The following TFEC variants were observed in gnomAD, a reference collection of about 807,000 sequenced individuals.
TFEC encodes transcription factor EC, also known as class E basic helix-loop-helix protein 34.
TFEC carries 31 observed loss-of-function variants against 41.6 expected under a neutral mutation model. The observed-to-expected ratio is 0.74, with a 90% CI of 0.56 to 1.01. The LOEUF is 1.01. TFEC is among the 50% of genes least tolerant of loss of function. The pLI is 0.00. For synonymous variants in TFEC, 143 were observed against 140.6 expected (o/e 1.02, Z -0.12); for missense variants, 402 against 404.1 (o/e 0.99, Z 0.04).
chr7:116,104,549 C>G (rs1341179881), intron 3 of TFEC, among the ~76,000 whole-genome samples: 4 of 152,086 alleles, frequency 2.6e-5, no homozygotes, highest in Non-Finnish European at 5.9e-5. Flanking sequence ...ACATTTATAA[C>G]AAAAGGGAAC....
chr7:116,129,074 A>G (rs1798275536), intron 1 of TFEC, among the ~76,000 whole-genome samples: 1 of 152,220 alleles, frequency 6.6e-6, no homozygotes, highest in Admixed American at 6.5e-5. Context: ...AGTTAAAACC[A>G]GTCAGAAAGG....
At chr7:116,113,441 C>T (rs1473140435) in intron 1 of TFEC, among the ~76,000 whole-genome samples, 3 of 151,968 alleles carry the variant, frequency 2.0e-5, no homozygotes, top group African/African-American at 4.8e-5. Flanking sequence ...CAAGAAGGAA[C>T]CACTCCTGCT....
intron 3 of TFEC, among the ~76,000 whole-genome samples, chr7:116,108,038 T>A (rs759648896): frequency 2.8e-4 from 43 of 152,252 alleles, no homozygotes; most frequent in Non-Finnish European, 1.6e-4. Context: ...ATTATAGAAC[T>A]CAGAATCTTC....
intron 3 of TFEC, among the ~76,000 whole-genome samples, chr7:116,047,821 G>T (rs1263687903): frequency 6.6e-6 from 1 of 152,044 alleles, no homozygotes; most frequent in African/African-American, 2.4e-5. Flanking sequence ...GAAGGATCAG[G>T]CAGCAACATT....
intron 1 of TFEC, among the ~76,000 whole-genome samples, chr7:116,024,037 T>C (rs2130864995): frequency 6.6e-6 from 1 of 152,218 alleles, no homozygotes; most frequent in East Asian, 1.9e-4. Context: ...CTGAAGCAAA[T>C]CTACTTGATA....
chr7:115,965,559 T>C (rs936106422), intron 3 of TFEC, among the ~76,000 whole-genome samples: 1 of 151,606 alleles, frequency 6.6e-6, no homozygotes, highest in Non-Finnish European at 1.5e-5. Flanking sequence ...TGTCTCCAAA[T>C]TGCAATTTTA....
chr7:116,117,825 G>C (rs1177236477), intron 1 of TFEC, among the ~76,000 whole-genome samples: 2 of 151,826 alleles, frequency 1.3e-5, no homozygotes, highest in Non-Finnish European at 2.9e-5. Context: ...AGCCCTGTGG[G>C]CTAGCCACAT....
intron 1 of TFEC, among the ~76,000 whole-genome samples, chr7:116,138,023 T>A (rs1197042706): frequency 6.6e-6 from 1 of 152,128 alleles, no homozygotes; most frequent in African/African-American, 2.4e-5. Flanking sequence ...TATGTGAAAG[T>A]AAAGAGATTC....
At chr7:115,983,673 A>G (rs1436877474) in intron 2 of TFEC, among the ~76,000 whole-genome samples, 1 of 152,172 alleles carries the variant, frequency 6.6e-6, no homozygotes, top group Non-Finnish European at 1.5e-5. Context: ...CACAATAAAT[A>G]TAAACTCCAT....
chr7:116,046,289 G>T (rs1796162277), intron 3 of TFEC, among the ~76,000 whole-genome samples: 2 of 152,148 alleles, frequency 1.3e-5, no homozygotes, highest in African/African-American at 2.4e-5. Flanking sequence ...AACTTGAATT[G>T]TATCTCCCCG....
intron 3 of TFEC, among the ~76,000 whole-genome samples, chr7:115,964,309 TATC>T (rs1792731545): frequency 1.3e-5 from 2 of 151,604 alleles, no homozygotes; most frequent in African/African-American, 4.8e-5. Flanking sequence ...TGGGGAAAAG[TATC>T]ATATTTTCAA....
intron 3 of TFEC, among the ~76,000 whole-genome samples, chr7:115,969,112 G>C: frequency 6.6e-6 from 1 of 151,708 alleles, no homozygotes; most frequent in African/African-American, 2.4e-5. Context: ...TCAATACTAT[G>C]TGTGAATTTT....
Position 116,146,772 on chromosome 7 carries a change from A to C in TFEC, c.-69+13018T>G, listed in dbSNP as rs574051712. On this transcript the variant is annotated intron_variant, in intron 1 of 8. Transcript: ENST00000484212. ...GATTTAAACTAGTAACTGTCAAGTA[A>C]GGCCATCAAAGATGGTTGCTTTTAT... is the stretch of plus-strand genomic sequence containing the variant. Among the ~76,000 whole-genome samples, 3 of 152,346 alleles carry C rather than the reference A, an allele frequency of 2.0e-5. No individual in the cohort carries two copies. The South Asian group carries it at 6.2e-4, about 32-fold the overall frequency.
rs146583032 is a variant in TFEC at position 115,935,712 on chromosome 7, T to C, written c.*4839A>G. The C allele has an allele frequency of 7.9e-3, 1,205 of 151,630 alleles. 23 individuals are homozygous for C. Among genetic ancestry groups the C allele is most frequent in the African/African-American group, 0.027 (1,140 of 41,494 alleles). 9.4% of individuals were successfully genotyped at this position (151,630 alleles called of 1,614,324 possible). On this transcript the variant is annotated 3_prime_UTR_variant, in exon 8 of 8. Transcript: ENST00000265440. Reference sequence around the variant, plus strand: ...CTATGGAAAAAATACAGTGACAATATAGAATTTTTGCAATAAAACAGTAGT... The same window carrying C: ...CTATGGAAAAAATACAGTGACAATACAGAATTTTTGCAATAAAACAGTAGT...
intron 3 of TFEC, among the ~76,000 whole-genome samples, chr7:116,089,193 T>G (rs6466568): frequency 0.1 from 15,345 of 152,210 alleles, 835 homozygotes; most frequent in African/African-American, 0.14. Flanking sequence ...TATATCTGAT[T>G]ATATAGAATA....
Position 116,042,755 on chromosome 7 carries a change from A to C in TFEC, c.199-58242T>G, listed in dbSNP as rs555316012. Among the ~76,000 whole-genome samples, 9 of 152,308 alleles carry C rather than the reference A, an allele frequency of 5.9e-5. 1 individual carries two copies. The South Asian group carries it at 1.9e-3, about 32-fold the overall frequency. ...AATGAATCAGAATAAGTCAATATCT[A>C]GGTCAATATGACTCTTCTCCCTCTA... On this transcript the variant is annotated intron_variant, in intron 3 of 8. Coordinates refer to the TFEC transcript ENST00000484212.
At chr7:116,023,442 T>A (rs1385138394) in intron 1 of TFEC, among the ~76,000 whole-genome samples, 1 of 152,192 alleles carries the variant, frequency 6.6e-6, no homozygotes, top group Non-Finnish European at 1.5e-5. Flanking sequence ...GATATCAAAC[T>A]GATTTCATAG....
intron 6 of TFEC, among the ~76,000 whole-genome samples, chr7:115,949,250 A>G (rs1791791211): frequency 2.0e-5 from 3 of 152,184 alleles, no homozygotes; most frequent in East Asian, 3.9e-4. Context: ...GGAAGAATCA[A>G]TATCGTGAAA....
intron 1 of TFEC, among the ~76,000 whole-genome samples, chr7:115,995,338 G>T (rs36094909): frequency 0.14 from 20,811 of 151,370 alleles, 1,921 homozygotes; most frequent in Non-Finnish European, 0.21. Context: ...AGAACTTAAA[G>T]TATATTAAAA....
Sources: allele counts gnomAD v4.1 joint callset (sites outside exome capture counted in the v4.1 genomes callset), GRCh38; gene constraint gnomAD v4.1.1; transcripts MANE v1.5; gene names NCBI Gene and HGNC (gene_info 2026-07-23, HGNC 2026-07-21).